CPAP: variants seen among roughly 807,000 people sequenced by gnomAD.
CPAP encodes centrosomal P4.1-associated protein.
the CPAP span, among the ~76,000 whole-genome samples, chr13:24,904,438 A>G: frequency 6.6e-6 from 1 of 152,222 alleles, no homozygotes; most frequent in East Asian, 1.9e-4. Context: ...CTATTAATCA[A>G]ATAAATGCAA....
the CPAP span, chr13:24,906,632 G>C: frequency 6.2e-7 from 1 of 1,614,218 alleles, no homozygotes; most frequent in East Asian, 2.2e-5. Context: ...TCCTGACGGA[G>C]AAAGACTTTT....
At chr13:24,929,039 G>A in the CPAP span, among the ~76,000 whole-genome samples, 1 of 152,212 alleles carries the variant, frequency 6.6e-6, no homozygotes, top group Non-Finnish European at 1.5e-5. Flanking sequence ...ATAGTAGTTT[G>A]ATGGTTTTTC....
the CPAP span, chr13:24,882,980 A>G: frequency 1.7e-6 from 1 of 592,096 alleles, no homozygotes; most frequent in Non-Finnish European, 3.0e-6. Context: ...ATTGAAAGAC[A>G]GGGTAGTGAA....
At chr13:24,891,631 C>G in the CPAP span, among the ~76,000 whole-genome samples, 1 of 152,104 alleles carries the variant, frequency 6.6e-6, no homozygotes, top group Admixed American at 6.5e-5. Context: ...GCCACCCAGT[C>G]CCCCCAAGCC....
At chr13:24,892,573 CTA>C in the CPAP span, 1 of 1,218,196 alleles carries the variant, frequency 8.2e-7, no homozygotes, top group Non-Finnish European at 1.2e-6. Context: ...CTTTCTGACT[CTA>C]TGAATTTGAA....
At chr13:24,897,715 T>C in the CPAP span, among the ~76,000 whole-genome samples, 1 of 152,214 alleles carries the variant, frequency 6.6e-6, no homozygotes, top group African/African-American at 2.4e-5. Flanking sequence ...ATATGTACTT[T>C]CTAAGAATTT....
At chr13:24,927,350 G>A in the CPAP span, among the ~76,000 whole-genome samples, 1 of 152,082 alleles carries the variant, frequency 6.6e-6, no homozygotes, top group Non-Finnish European at 1.5e-5. Flanking sequence ...ATTAATTGAG[G>A]AACAATTAAA....
chr13:24,912,603 T>C, the CPAP span: 296 of 1,613,602 alleles, frequency 1.8e-4, no homozygotes, highest in Non-Finnish European at 2.3e-4. Context: ...TTTTAAAAAG[T>C]GGGTCTTTAT....
At chr13:24,888,591 T>C in the CPAP span, among the ~76,000 whole-genome samples, 1 of 152,248 alleles carries the variant, frequency 6.6e-6, no homozygotes, top group South Asian at 2.1e-4. Context: ...AAAAAACTGG[T>C]ACAACCATGT....
the CPAP span, among the ~76,000 whole-genome samples, chr13:24,900,679 C>T: frequency 6.6e-6 from 1 of 152,018 alleles, no homozygotes; most frequent in Non-Finnish European, 1.5e-5. Context: ...TCAGATGAAC[C>T]GTCCAAACGC....
the CPAP span, among the ~76,000 whole-genome samples, chr13:24,886,682 T>A: frequency 2.6e-5 from 4 of 152,178 alleles, no homozygotes; most frequent in African/African-American, 7.2e-5. Context: ...CCCCACAGGT[T>A]ATGTGTGCAA....
chr13:24,899,350 ACT>A, the CPAP span: 25 of 1,256,982 alleles, frequency 2.0e-5, no homozygotes, highest in East Asian at 5.5e-4. Context: ...ATAAGAAATA[ACT>A]CTGAGATGCT....
chr13:24,907,539 G>A, the CPAP span, among the ~76,000 whole-genome samples: 2 of 152,066 alleles, frequency 1.3e-5, no homozygotes, highest in African/African-American at 2.4e-5. Flanking sequence ...GGCCCTTAAT[G>A]TGAGAACAAT....
chr13:24,882,767 TACAGAG>T, the CPAP span: 1 of 190,126 alleles, frequency 5.3e-6, no homozygotes, highest in Non-Finnish European at 1.1e-5. Flanking sequence ...ATATTTTGGC[TACAGAG>T]ACACGTGTTT....
the CPAP span, among the ~76,000 whole-genome samples, chr13:24,910,933 C>T: frequency 4.6e-5 from 7 of 152,170 alleles, no homozygotes; most frequent in Admixed American, 2.6e-4. Flanking sequence ...CCCCACCTGA[C>T]CCCTGCACCC....
chr13:24,932,675 T>G, the CPAP span, among the ~76,000 whole-genome samples: 1 of 152,230 alleles, frequency 6.6e-6, no homozygotes, highest in African/African-American at 2.4e-5. Context: ...TAATGTTAAT[T>G]TTTAATTTAG....
chr13:24,914,981 G>A, the CPAP span, among the ~76,000 whole-genome samples: 812 of 151,986 alleles, frequency 5.3e-3, 22 homozygotes, highest in East Asian at 0.081. Flanking sequence ...AGGCTGAGGC[G>A]GGAGAATCGC....
chr13:24,895,023 T>TCAGAGGCAAGGCCTC, the CPAP span, among the ~76,000 whole-genome samples: 1 of 152,098 alleles, frequency 6.6e-6, no homozygotes, highest in Admixed American at 6.5e-5. Flanking sequence ...GCGCGAAAGC[T>TCAGAGGCAAGGCCTC]CAGAGGCAAG....
chr13:24,894,180 A>T, the CPAP span, among the ~76,000 whole-genome samples: 6 of 152,140 alleles, frequency 3.9e-5, no homozygotes, highest in Non-Finnish European at 2.9e-5. Flanking sequence ...ATAGGGACTG[A>T]GGTTCTTGGA....
Sources: allele counts gnomAD v4.1 joint callset (sites outside exome capture counted in the v4.1 genomes callset), GRCh38; gene constraint gnomAD v4.1.1; transcripts MANE v1.5; gene names NCBI Gene and HGNC (gene_info 2026-07-23, HGNC 2026-07-21).